The following RFX8 variants were observed in gnomAD, a reference collection of about 807,000 sequenced individuals.
RFX8 encodes the protein DNA-binding protein RFX8.
A neutral mutation model predicts 54.6 loss-of-function variants in RFX8; 46 were observed. The ratio of observed to expected loss-of-function variants is 0.84; its 90% CI spans 0.67 to 1.08. RFX8 has a LOEUF of 1.08. RFX8 is among the 50% of genes least tolerant of loss of function. The pLI, the probability that RFX8 is intolerant of heterozygous loss-of-function variation, is 0.00. For missense variants in RFX8, 536 were observed against 562.3 expected (o/e 0.95, Z 0.47); for synonymous variants, 192 against 209.5 (o/e 0.92, Z 0.72).
At chr2:101,417,729 G>A in intron 5 of RFX8, 45 bp from the exon 6 acceptor site, 1 of 1,494,280 alleles carries the variant, frequency 6.7e-7, no homozygotes, top group South Asian at 1.3e-5. Flanking sequence ...TGATGGTGCA[G>A]GTGTGGCTGA....
At chr2:101,441,220 T>C (rs1208460552) in intron 2 of RFX8, among the ~76,000 whole-genome samples, 15 of 152,208 alleles carry the variant, frequency 9.9e-5, no homozygotes, top group Admixed American at 9.8e-4. Flanking sequence ...TCCGCCTGCC[T>C]CGGCCTCCCA....
intron 2 of RFX8, among the ~76,000 whole-genome samples, chr2:101,451,458 C>T (rs774126696): frequency 3.6e-4 from 54 of 151,866 alleles, no homozygotes; most frequent in South Asian, 1.0e-3. Flanking sequence ...GAGGCTGAGA[C>T]GGGTGGATCA....
intron 2 of RFX8, among the ~76,000 whole-genome samples, chr2:101,436,869 C>T (rs937915405): frequency 2.0e-5 from 3 of 152,112 alleles, no homozygotes; most frequent in Non-Finnish European, 2.9e-5. Context: ...GATGCCTGTG[C>T]GTCCAGAGGA....
chr2:101,404,406 T>C (rs1685610779), intron 10 of RFX8, among the ~76,000 whole-genome samples: 1 of 152,174 alleles, frequency 6.6e-6, no homozygotes, highest in African/African-American at 2.4e-5. Flanking sequence ...GAAGGTAGAC[T>C]GGGAAAAGTA....
chr2:101,430,133 T>C (rs539651897), intron 2 of RFX8, among the ~76,000 whole-genome samples: 163 of 152,340 alleles, frequency 1.1e-3, no homozygotes, highest in Middle Eastern at 3.4e-3. Context: ...TAATAAGAGT[T>C]GTTATCAAAA....
chr2:101,474,398 G>GGCGCGCGGGGC (rs1690192199), intron 1 of RFX8: 1 of 381,918 alleles, frequency 2.6e-6, no homozygotes, highest in Admixed American at 4.6e-5. Context: ...GCGCGCGGGG[G>GGCGCGCGGGGC]GCGCGCGGGG....
intron 2 of RFX8, 45 bp from the exon 3 acceptor site, chr2:101,422,517 CTT>C (rs377478066): frequency 8.7e-7 from 1 of 1,148,110 alleles, no homozygotes; most frequent in South Asian, 1.3e-5. Context: ...AAATACAATA[CTT>C]TTTTTGGCAT....
intron 2 of RFX8, among the ~76,000 whole-genome samples, chr2:101,427,596 T>G (rs1047637619): frequency 6.6e-6 from 1 of 152,200 alleles, no homozygotes; most frequent in African/African-American, 2.4e-5. Context: ...ATAACAGATT[T>G]GTGTTGTTTT....
At chr2:101,431,319 T>A (rs945005613) in intron 2 of RFX8, among the ~76,000 whole-genome samples, 3 of 152,120 alleles carry the variant, frequency 2.0e-5, no homozygotes, top group African/African-American at 4.8e-5. Flanking sequence ...ATCACAAAGA[T>A]GTTGGGTGAG....
At chr2:101,416,889 G>T (rs969975973) in intron 6 of RFX8, among the ~76,000 whole-genome samples, 5 of 152,172 alleles carry the variant, frequency 3.3e-5, no homozygotes, top group African/African-American at 1.2e-4. Flanking sequence ...CTGCTGCCTG[G>T]CAGCCAGACA....
chr2:101,440,146 C>G (rs1688016144), intron 2 of RFX8, among the ~76,000 whole-genome samples: 1 of 151,644 alleles, frequency 6.6e-6, no homozygotes, highest in Non-Finnish European at 1.5e-5. Flanking sequence ...ATATACCATA[C>G]AATTCACCCG....
chr2:101,410,229 A>C (rs1686033020), intron 9 of RFX8, among the ~76,000 whole-genome samples: 1 of 151,318 alleles, frequency 6.6e-6, no homozygotes, highest in Non-Finnish European at 1.5e-5. Flanking sequence ...ATGCATGCTC[A>C]CCCACACATA....
At chr2:101,418,999 G>C (rs1179524579) in intron 4 of RFX8, 35 bp from the exon 5 acceptor site, 1 of 1,203,876 alleles carries the variant, frequency 8.3e-7, no homozygotes, top group Non-Finnish European at 1.2e-6. Context: ...GCCAAAACTC[G>C]TTTTCCACCT....
chr2:101,412,205 G>A (rs1469780723), intron 8 of RFX8, among the ~76,000 whole-genome samples: 1 of 152,140 alleles, frequency 6.6e-6, no homozygotes, highest in African/African-American at 2.4e-5. Flanking sequence ...GCCTAGAGAT[G>A]CCCATAATTC....
At chr2:101,423,984 A>G (rs1687019073) in intron 2 of RFX8, among the ~76,000 whole-genome samples, 1 of 152,232 alleles carries the variant, frequency 6.6e-6, no homozygotes, top group South Asian at 2.1e-4. Flanking sequence ...GAATCTGATG[A>G]AAGCAACTGA....
chr2:101,458,188 T>TG (rs545604408), intron 2 of RFX8, among the ~76,000 whole-genome samples: 5 of 152,220 alleles, frequency 3.3e-5, no homozygotes, highest in Non-Finnish European at 7.3e-5. Context: ...TGTCCTTTAA[T>TG]GGGGGCATTT....
rs1328477340 is a variant in RFX8, at chr2:101,402,427, T to G, written c.1245+9A>C. ...ACAGCTGTGTGGAAGGGGGTCCTGG[T>G]GTCCCTACCTTATTGCCCATGGCAG... On this transcript the variant is annotated intron_variant, in intron 11 of 11. Coordinates refer to ENST00000428343, the MANE Select transcript of RFX8 (RefSeq NM_001145664.2). 6.5e-7 allele frequency: 1 copy of G among 1,535,872 alleles called. No homozygotes were observed. The highest frequency in any genetic ancestry group is 8.8e-7 in the Non-Finnish European group (1 of 1,135,180).
intron 2 of RFX8, among the ~76,000 whole-genome samples, chr2:101,451,771 C>T (rs979533625): frequency 1.8e-4 from 27 of 150,570 alleles, no homozygotes; most frequent in African/African-American, 5.9e-4. Flanking sequence ...ATTTTGTGAA[C>T]ACAGAAACTT....
chr2:101,474,271 G>A, intron 1 of RFX8: 1 of 597,036 alleles, frequency 1.7e-6, no homozygotes. Flanking sequence ...CACCCCCTCG[G>A]CCATGGCTCG....
Sources: allele counts gnomAD v4.1 joint callset (sites outside exome capture counted in the v4.1 genomes callset), GRCh38; gene constraint gnomAD v4.1.1; transcripts MANE v1.5; gene names NCBI Gene and HGNC (gene_info 2026-07-23, HGNC 2026-07-21).